REV3L: variants seen among roughly 807,000 people sequenced by gnomAD.
REV3L encodes REV3 like, DNA directed polymerase zeta catalytic subunit.
A neutral mutation model predicts 299.4 loss-of-function variants in REV3L; 69 were observed. The ratio of observed to expected loss-of-function variants is 0.23; its 90% CI spans 0.19 to 0.28. REV3L has a LOEUF of 0.28. Among genes scored for constraint, REV3L ranks in the 10% least tolerant of loss-of-function variants. The probability of loss-of-function intolerance (pLI) is 1.00; values close to 1 mark genes in which losing one functional copy is unlikely to be tolerated. For missense variants in REV3L, 3,128 were observed against 3,693.8 expected (o/e 0.85, Z 3.97); for synonymous variants, 1,238 against 1,271.4 (o/e 0.97, Z 0.56).
At chr6:111,443,430 G>C (rs1277081640) in intron 1 of REV3L, among the ~76,000 whole-genome samples, 2 of 152,100 alleles carry the variant, frequency 1.3e-5, no homozygotes, top group African/African-American at 4.8e-5. Flanking sequence ...ATAGATGGTG[G>C]GCATTGTAGA....
At chr6:111,405,000 G>A (rs1044615208) in intron 4 of REV3L, among the ~76,000 whole-genome samples, 2 of 152,144 alleles carry the variant, frequency 1.3e-5, no homozygotes, top group Admixed American at 1.3e-4. Context: ...CACACCATCA[G>A]GGAAGTGCTG....
intron 1 of REV3L, among the ~76,000 whole-genome samples, chr6:111,446,398 G>A (rs936498991): frequency 7.2e-5 from 11 of 152,102 alleles, no homozygotes; most frequent in African/African-American, 2.4e-4. Context: ...AGTGACTTTA[G>A]TTATAAAAAC....
At position 111,367,356 on chromosome 6, in the gene REV3L, T is replaced by C. The variant is rs534657366; in HGVS notation, c.6432A>G (p.Arg2144=). ...GCAGCTCCTCTACTGGTGATGAGGG[T>C]CTATCATCTCCATTTAATGCTTTGG... ...PDSKALNGDD[R]PSSPVEELPS... Residue 2144 remains arginine (R), a synonymous_variant, in exon 14 of 32, where the codon AGA becomes AGG. Transcript: ENST00000368802. 1 of 1,607,146 alleles carries C rather than the reference T, an allele frequency of 6.2e-7. No individual in the cohort carries two copies. The highest frequency in any genetic ancestry group is 1.3e-5 in the African/African-American group (1 of 74,544).
chr6:111,326,012 A>G (rs951588748), intron 25 of REV3L, among the ~76,000 whole-genome samples: 7 of 152,124 alleles, frequency 4.6e-5, no homozygotes, highest in Non-Finnish European at 1.0e-4. Flanking sequence ...AAGAGTGAGA[A>G]TGTGTGATAT....
chr6:111,422,665 T>TATATATATATATACGTATATATATATAC (rs1785662983), intron 1 of REV3L, among the ~76,000 whole-genome samples: 1 of 37,454 alleles, frequency 2.7e-5, no homozygotes, highest in African/African-American at 5.8e-5. Flanking sequence ...TATATATACA[T>TATATATATATATACGTATATATATATAC]ATATATATAT....
Position 111,300,166 on chromosome 6 carries a change from TAAGAG to T in REV3L, c.9253-15_9253-11del, listed in dbSNP as rs1771320060. ...TACAGTTCTTGCATATCTGAAAGCA[TAAGAG>T]AAATACAAAAAATAATAGGAAAGTT... On this transcript the variant is annotated splice_polypyrimidine_tract_variant and intron_variant, in intron 31 of 31. Coordinates refer to ENST00000368802, the MANE Select transcript of REV3L (RefSeq NM_001372078.1). 3 of 1,552,260 alleles carry T rather than the reference TAAGAG, an allele frequency of 1.9e-6. No individual in the cohort carries two copies. Among genetic ancestry groups the T allele is most frequent in the South Asian group, 2.5e-5 (2 of 80,868 alleles).
At chr6:111,386,123 T>C (rs971699598) in intron 9 of REV3L, among the ~76,000 whole-genome samples, 3 of 152,182 alleles carry the variant, frequency 2.0e-5, no homozygotes, top group South Asian at 2.1e-4. Context: ...GTACAATGCA[T>C]ACACCCTAAC....
intron 1 of REV3L, among the ~76,000 whole-genome samples, chr6:111,472,792 G>A (rs1031013342): frequency 5.3e-5 from 8 of 151,756 alleles, no homozygotes; most frequent in African/African-American, 1.9e-4. Flanking sequence ...AAACTTAGAA[G>A]GAACGACAGA....
intron 1 of REV3L, among the ~76,000 whole-genome samples, chr6:111,432,588 C>T (rs1191510989): frequency 6.6e-6 from 1 of 152,124 alleles, no homozygotes; most frequent in African/African-American, 2.4e-5. Flanking sequence ...AGACAGACTG[C>T]AATACAGTAA....
rs1216671579 is a variant in REV3L at position 111,422,613 on chromosome 6, C to CAT, written c.140-6142_140-6141insAT. 1.4e-3 allele frequency among the ~76,000 whole-genome samples: 10 copies of CAT among 7,178 alleles called. 2 individuals are homozygous for CAT. The highest frequency in any genetic ancestry group is 4.6e-3 in the African/African-American group (10 of 2,168). The allele number at this position is 7,178 out of a possible 152,430, so 4.7% of individuals were successfully genotyped here. On this transcript the variant is annotated intron_variant, in intron 1 of 31. Coordinates refer to ENST00000368802, the MANE Select transcript of REV3L (RefSeq NM_001372078.1). ...ATATATACACATATATATATATATA[C>CAT]ACATATATATATATATACACATATA...
chr6:111,407,913 G>GCAACAGGGCAAGATTCCAATT (rs1324982068), intron 3 of REV3L, among the ~76,000 whole-genome samples: 1 of 152,172 alleles, frequency 6.6e-6, no homozygotes, highest in Non-Finnish European at 1.5e-5. Context: ...TCCAGCCTGA[G>GCAACAGGGCAAGATTCCAATT]CAACAGGGCA....
chr6:111,454,656 C>T (rs1362663743), intron 1 of REV3L, among the ~76,000 whole-genome samples: 1 of 151,960 alleles, frequency 6.6e-6, no homozygotes, highest in Non-Finnish European at 1.5e-5. Flanking sequence ...ATTTGTCCTT[C>T]CTTCCTGAGT....
chr6:111,482,686 C>CG, intron 1 of REV3L, 64 bp downstream of exon 1: 1 of 1,051,490 alleles, frequency 9.5e-7, no homozygotes, highest in African/African-American at 1.7e-5. Flanking sequence ...GTGTGCGCGG[C>CG]GGGGAGGGCG....
intron 27 of REV3L, among the ~76,000 whole-genome samples, chr6:111,314,850 T>C (rs990948245): frequency 2.5e-5 from 2 of 80,696 alleles, no homozygotes; most frequent in African/African-American, 8.7e-5. Flanking sequence ...ATTTAAATAC[T>C]TTTTTTTTTT....
chr6:111,380,231 G>T lies in REV3L; in HGVS notation c.1217-12C>A. 1 of 1,529,666 alleles carries T rather than the reference G, an allele frequency of 6.5e-7. No homozygotes were observed. Among genetic ancestry groups the T allele is most frequent in the Non-Finnish European group, 9.0e-7 (1 of 1,112,390 alleles). 94.8% of individuals were successfully genotyped at this position (1,529,666 alleles called of 1,614,324 possible). A position where few individuals can be genotyped will look rare whatever the true frequency, so the allele number is the denominator to read the frequency against. Reference sequence around the variant, plus strand: ...AGGACTACTGTCCACTATAAAACAAGTACAATAATCACCAACAAATAAGTT... The same window carrying T: ...AGGACTACTGTCCACTATAAAACAATTACAATAATCACCAACAAATAAGTT... On this transcript the variant is annotated splice_polypyrimidine_tract_variant and intron_variant, in intron 10 of 31. Transcript: ENST00000368802.
intron 2 of REV3L, chr6:111,412,023 CAA>C: frequency 2.0e-6 from 2 of 985,392 alleles, no homozygotes; most frequent in Non-Finnish European, 2.4e-6. Flanking sequence ...TCTTCTTCAA[CAA>C]AGTCCTTTAC....
At chr6:111,326,900 T>C (rs781137489) in intron 25 of REV3L, among the ~76,000 whole-genome samples, 1 of 152,198 alleles carries the variant, frequency 6.6e-6, no homozygotes, top group African/African-American at 2.4e-5. Context: ...TGATGTTAGC[T>C]GCTTTTTCCA....
In REV3L at chr6:111,367,951, A is replaced by G. The variant is rs777178864; in HGVS notation, c.5837T>C (p.Leu1946Ser). The G allele has an allele frequency of 6.2e-7, 1 of 1,614,096 alleles. No individual in the cohort carries two copies. Residue 1946 changes from leucine (L) to serine (S), a missense_variant, in exon 14 of 32, where the codon TTG becomes TCG. Leu to Ser is a moderately radical substitution (Grantham distance 145). This residue lies in a region of REV3L where 2,409 missense variants were observed against 2,611.8 expected (regional missense o/e 0.92). Coordinates refer to ENST00000368802, the MANE Select transcript of REV3L (RefSeq NM_001372078.1). Reference sequence around the variant, plus strand: ...TGTTTTCCAAAGACGAAGTCCTTCCAAGGAAAAGTCTCCCTCAAACTCAGC... The same window carrying G: ...TGTTTTCCAAAGACGAAGTCCTTCCGAGGAAAAGTCTCCCTCAAACTCAGC... The part of the protein sequence containing the change: ...DLAEFEGDFS[L>S]EGLRLWKTAF...
intron 27 of REV3L, 64 bp downstream of exon 27, chr6:111,315,203 A>C: frequency 7.8e-7 from 1 of 1,286,792 alleles, no homozygotes; most frequent in East Asian, 2.5e-5. Context: ...GTACTGAACA[A>C]ATCAGAGGTC....
Sources: allele counts gnomAD v4.1 joint callset (sites outside exome capture counted in the v4.1 genomes callset), GRCh38; gene constraint gnomAD v4.1.1; regional missense constraint gnomAD v4.1.1; transcripts MANE v1.5; gene names NCBI Gene and HGNC (gene_info 2026-07-23, HGNC 2026-07-21).